SON: variants seen among roughly 807,000 people sequenced by gnomAD.
SON encodes SON DNA and RNA binding protein.
SON carries 4 observed loss-of-function variants against 173.3 expected under a neutral mutation model. That is an observed-to-expected ratio of 0.02 (90% CI 0.01 to 0.05). SON has a LOEUF of 0.05. Ranked by LOEUF, SON falls within the 10% of genes least tolerant of loss-of-function variation. The pLI, the probability that SON is intolerant of heterozygous loss-of-function variation, is 1.00. For synonymous variants in SON, 1,190 were observed against 1,105.9 expected (o/e 1.08, Z -1.51); for missense variants, 2,626 against 3,055.3 (o/e 0.86, Z 3.31).
At position 33,550,014 on chromosome 21, in the gene SON, G is replaced by T; in HGVS notation, c.783G>T (p.Glu261Asp). 6.2e-7 allele frequency: 1 copy of T among 1,614,150 alleles called. No homozygotes were observed. Among genetic ancestry groups the T allele is most frequent in the African/African-American group, 1.3e-5 (1 of 75,074 alleles). The change falls in exon 3 of 12, where the codon GAG (glutamate) becomes GAT (aspartate). Residue 261 changes from glutamate (E) to aspartate (D), a missense_variant. Glu to Asp is a conservative substitution (Grantham distance 45). Coordinates refer to ENST00000356577, the MANE Select transcript of SON (RefSeq NM_138927.4). ...CAACACTGGTGTTGAAGTCATCTGA[G>T]CCAGTTGTAACAATGTCAGTGGAGT... Reference protein sequence around the residue: ...PTTTLVLKSSEPVVTMSVEYQ... With the variant: ...PTTTLVLKSSDPVVTMSVEYQ...
intron 1 of SON, 50 bp from the exon 2 acceptor site, chr21:33,546,163 T>A: frequency 4.7e-6 from 7 of 1,476,408 alleles, no homozygotes; most frequent in Non-Finnish European, 6.4e-6. Flanking sequence ...GATTTTTTTA[T>A]TAATGGTATG....
Position 33,550,627 on chromosome 21 carries a change from C to T in SON, c.1396C>T (p.Pro466Ser), listed in dbSNP as rs766617884. The T allele has an allele frequency of 1.2e-6, 2 of 1,613,918 alleles. No individual in the cohort carries two copies. Among genetic ancestry groups the T allele is most frequent in the Admixed American group, 1.7e-5 (1 of 60,018 alleles). ...AGCACCATCCATGGGGTTGGAGCCA[C>T]CACAGGAGGTACCAGAGCCACCTGT... ...LPAPSMGLEPPQEVPEPPVMA... is the reference protein window; with the variant it reads ...LPAPSMGLEPSQEVPEPPVMA... Residue 466 changes from proline to serine, a missense_variant, in exon 3 of 12, where the codon CCA (proline) becomes TCA (serine). Pro to Ser is a moderately conservative substitution (Grantham distance 74, BLOSUM62 -1). Transcript: ENST00000356577.
At chr21:33,563,886 G>T (rs1313537672) in intron 6 of SON, among the ~76,000 whole-genome samples, 2 of 152,262 alleles carry the variant, frequency 1.3e-5, no homozygotes, top group South Asian at 2.1e-4. Context: ...AGAGAGTGAA[G>T]AATTTGGGCA....
Position 33,546,440 on chromosome 21 carries a change from A to G in SON, c.244+61A>G, listed in dbSNP as rs1009146168. 7 of 1,370,594 alleles carry G rather than the reference A, an allele frequency of 5.1e-6. No individual in the cohort carries two copies. The African/African-American group carries it at 7.3e-5, about 14-fold the overall frequency. The allele number at this position is 1,370,594 out of a possible 1,614,324, so 84.9% of individuals were successfully genotyped here. A position where few individuals can be genotyped will look rare whatever the true frequency, so the allele number is the denominator to read the frequency against. On this transcript the variant is annotated intron_variant, in intron 2 of 11. Transcript: ENST00000356577. ...CTTTTAAGATTTTTTTGAAATTTGA[A>G]GGTTAATGTTAGTTTTTGACTTCAG...
In SON at chr21:33,559,548, T is replaced by C. The variant is rs536196010; in HGVS notation, c.6469-39T>C. 6 of 1,560,014 alleles carry C rather than the reference T, an allele frequency of 3.8e-6. No individual in the cohort carries two copies. The African/African-American group carries it at 5.5e-5, about 14-fold the overall frequency. On this transcript the variant is annotated intron_variant, in intron 5 of 11. Coordinates refer to ENST00000356577, the MANE Select transcript of SON (RefSeq NM_138927.4). This position sits in a 1 kb window ranked among gnomAD's most constrained non-coding sequence, Gnocchi z 4.1. ...AATCTCAAACCATTTAATGTAGATA[T>C]CATATTGAGCTTTAATTAAGAAACA...
chr21:33,546,314 A>C lies in SON; in HGVS notation c.179A>C (p.Glu60Ala), dbSNP rs145186427. Residue 60 changes from glutamate to alanine, a missense_variant, in exon 2 of 12, where the codon GAA becomes GCA. By Grantham distance (107) the Glu-to-Ala change is moderately radical. Around this residue, in one of 13 missense-constraint regions of SON, gnomAD observed 757 missense variants for 730.1 expected, o/e 1.04. Transcript: ENST00000356577. ...TCTGCCAGGAGTCTACCAAATGAAGAAATAGTGCAGAAGATAGAGGAAGTA... is the reference window on the plus strand; with the variant it reads ...TCTGCCAGGAGTCTACCAAATGAAGCAATAGTGCAGAAGATAGAGGAAGTA... ...AASARSLPNE[E>A]IVQKIEEVLS... 5.3e-5 allele frequency: 85 copies of C among 1,613,842 alleles called. No homozygotes were observed. The African/African-American group carries it at 1.1e-3, about 20-fold the overall frequency.
At chr21:33,572,163 T>C (rs1265094821) in intron 8 of SON, 1 of 133,340 alleles carries the variant, frequency 7.5e-6, no homozygotes, top group Non-Finnish European at 1.6e-5. Flanking sequence ...AGTTAATGAC[T>C]TTTGCTATAT....
intron 7 of SON, among the ~76,000 whole-genome samples, chr21:33,568,142 TG>T (rs1269194179): frequency 1.3e-5 from 2 of 152,246 alleles, no homozygotes; most frequent in Admixed American, 6.5e-5. Flanking sequence ...GAATGACAGC[TG>T]ATCTTTATCA....
At chr21:33,571,561 A>T (rs2086285914) in intron 8 of SON, among the ~76,000 whole-genome samples, 1 of 152,216 alleles carries the variant, frequency 6.6e-6, no homozygotes, top group Admixed American at 6.5e-5. Context: ...AAGAAATTTT[A>T]TTTCTAGAAT....
intron 8 of SON, chr21:33,569,506 A>G (rs1018191149): frequency 6.6e-5 from 25 of 378,738 alleles, no homozygotes; most frequent in South Asian, 5.0e-4. Flanking sequence ...CACTGCCCCC[A>G]AGAGCCCTCT....
chr21:33,558,057 T>C (rs1259108395), intron 4 of SON: 2 of 159,714 alleles, frequency 1.3e-5, no homozygotes, highest in Non-Finnish European at 2.8e-5. Context: ...AACTTGTTAT[T>C]GGCTAGCCTT....
chr21:33,553,275 C>G lies in SON; in HGVS notation c.4044C>G (p.Ala1348=). 1 of 1,614,168 alleles carries G rather than the reference C, an allele frequency of 6.2e-7. No homozygotes were observed. The highest frequency in any genetic ancestry group is 8.5e-7 in the Non-Finnish European group (1 of 1,180,032). ...VLAESILEPP[A]MAAPESSAMA... ...CAGAGAGCATTCTGGAGCCGCCAGCCATGGCTGCCCCAGAGTCTTCAGCTA... is the reference window on the plus strand; with the variant it reads ...CAGAGAGCATTCTGGAGCCGCCAGCGATGGCTGCCCCAGAGTCTTCAGCTA... The change falls in exon 3 of 12, where the codon GCC becomes GCG. Residue 1348 remains alanine (A), a synonymous_variant. Transcript: ENST00000356577.
rs779043404 is a variant in SON at position 33,551,121 on chromosome 21, G to A, written c.1890G>A (p.Leu630=). 6.2e-7 allele frequency: 1 copy of A among 1,612,862 alleles called. No homozygotes were observed. Among genetic ancestry groups the A allele is most frequent in the Admixed American group, 1.7e-5 (1 of 59,932 alleles). ...GGCAGCCTCTGGCAACAGGGGTGCT[G>A]GAGTTGCCAGGGCAGCCTGGGGCGC... ...LLGQPLATGV[L]ELPGQPGAPE... Residue 630 remains leucine, a synonymous_variant, in exon 3 of 12, where the codon CTG becomes CTA. Transcript: ENST00000356577.
At chr21:33,566,481 T>A (rs925562279) in intron 6 of SON, among the ~76,000 whole-genome samples, 3 of 151,994 alleles carry the variant, frequency 2.0e-5, no homozygotes, top group African/African-American at 7.2e-5. Flanking sequence ...GAAACAAAAG[T>A]GTTTCAGTTG....
Position 33,549,934 on chromosome 21 carries a change from G to A in SON, c.703G>A (p.Glu235Lys). Residue 235 changes from glutamate (E) to lysine (K), a missense_variant, in exon 3 of 12, where the codon GAA (glutamate) becomes AAA (lysine). By Grantham distance (56) the Glu-to-Lys change is moderately conservative. Transcript: ENST00000356577. The part of the protein sequence containing the change: ...QSEQSVAVMP[E>K]PSMTKILDSF... ...AGAGCAGTCTGTGGCAGTAATGCCA[G>A]AACCATCCATGACAAAGATTCTGGA... is the stretch of plus-strand genomic sequence containing the variant. 6.2e-7 allele frequency: 1 copy of A among 1,614,192 alleles called. No individual in the cohort carries two copies. The highest frequency in any genetic ancestry group is 1.1e-5 in the South Asian group (1 of 91,086).
At position 33,554,526 on chromosome 21, in the gene SON, A is replaced by G. The variant is rs146747541; in HGVS notation, c.5295A>G (p.Arg1765=). 7.4e-6 allele frequency: 12 copies of G among 1,614,022 alleles called. No individual in the cohort carries two copies. In the African/African-American group the frequency reaches 1.2e-4, roughly 16 times the overall value. The change falls in exon 3 of 12, where the codon AGA becomes AGG. Residue 1765 remains arginine, a synonymous_variant. Transcript: ENST00000356577. ...TTGCAAGTGATGTTGGACGTGACAG[A>G]TCTGCTGCCAGCCCGGTTGTAAGTA... ...PLLASDVGRD[R]SAASPVVSSM...
intron 4 of SON, 169 bp downstream of exon 4, chr21:33,557,485 T>G (rs2145846345): frequency 6.4e-7 from 1 of 1,550,994 alleles, no homozygotes; most frequent in East Asian, 2.4e-5. Flanking sequence ...TAGCAGGCCA[T>G]TATCCGGGAT....
intron 1 of SON, among the ~76,000 whole-genome samples, chr21:33,545,987 T>A: frequency 6.6e-6 from 1 of 152,248 alleles, no homozygotes; most frequent in East Asian, 1.9e-4. Context: ...CTTAGAAACC[T>A]GTTTTCTTAA....
chr21:33,561,020 C>T (rs1277743997), intron 6 of SON: 2 of 152,202 alleles, frequency 1.3e-5, no homozygotes, highest in Non-Finnish European at 2.9e-5. Flanking sequence ...GTACTTTTCT[C>T]CCCAAGCTAT....
Sources: allele counts gnomAD v4.1 joint callset (sites outside exome capture counted in the v4.1 genomes callset), GRCh38; gene constraint gnomAD v4.1.1; regional missense constraint gnomAD v4.1.1; non-coding constraint Gnocchi (gnomAD v3.1); transcripts MANE v1.5; gene names NCBI Gene and HGNC (gene_info 2026-07-23, HGNC 2026-07-21).